The following GRM5 variants were observed in gnomAD, a reference collection of about 807,000 sequenced individuals.
GRM5 encodes the protein metabotropic glutamate receptor 5.
A neutral mutation model predicts 83.1 loss-of-function variants in GRM5; 19 were observed. That is an observed-to-expected ratio of 0.23 (90% CI 0.16 to 0.34). The LOEUF is 0.34. Ranked by LOEUF, GRM5 falls within the 10% of genes least tolerant of loss-of-function variation. The probability of loss-of-function intolerance (pLI) is 1.00; values close to 1 mark genes in which losing one functional copy is unlikely to be tolerated. For missense variants in GRM5, 1,160 were observed against 1,588.3 expected (o/e 0.73, Z 4.58); for synonymous variants, 675 against 633.6 (o/e 1.07, Z -0.98).
rs541699864 is a variant in GRM5 at position 88,504,940 on chromosome 11, A to G, written c.*3652T>C. On this transcript the variant is annotated 3_prime_UTR_variant, in exon 10 of 10. Coordinates refer to ENST00000305447, the MANE Select transcript of GRM5 (RefSeq NM_001143831.3). ...CTTTTAGGATTGGCACCATCTTTCT[A>G]AAACATCTATAATCTATATAGATTT... 7.9e-5 allele frequency: 12 copies of G among 152,312 alleles called. No homozygotes were observed. The East Asian group carries it at 2.3e-3, about 29-fold the overall frequency. The allele number at this position is 152,312 out of a possible 1,614,324, so 9.4% of individuals were successfully genotyped here.
intron 3 of GRM5, among the ~76,000 whole-genome samples, chr11:88,833,834 G>T (rs544684271): frequency 8.5e-5 from 13 of 152,246 alleles, no homozygotes; most frequent in Admixed American, 3.3e-4. Context: ...GATGAAACTG[G>T]TGTTCATTAT....
At chr11:88,841,612 T>C (rs1350641772) in intron 3 of GRM5, among the ~76,000 whole-genome samples, 12 of 152,210 alleles carry the variant, frequency 7.9e-5, no homozygotes, top group Non-Finnish European at 4.4e-5. Context: ...TCTTTCGTTA[T>C]GTTGGTCTTT....
At chr11:89,020,123 T>A (rs1416475659) in intron 2 of GRM5, among the ~76,000 whole-genome samples, 1 of 152,192 alleles carries the variant, frequency 6.6e-6, no homozygotes, top group African/African-American at 2.4e-5. Flanking sequence ...ATATACCTTA[T>A]CTAATTTAAT....
At chr11:88,863,374 T>C (rs1446856306) in intron 2 of GRM5, among the ~76,000 whole-genome samples, 1 of 133,076 alleles carries the variant, frequency 7.5e-6, no homozygotes, top group African/African-American at 2.9e-5. Context: ...TGTCCATCAA[T>C]GATAGACCAG....
rs145037445 is a variant in GRM5 at position 88,643,307 on chromosome 11, T to C, written c.1147+9861A>G. Among the ~76,000 whole-genome samples the C allele has an allele frequency of 1.9e-3, 282 of 152,170 alleles. 1 individual carries two copies. The highest frequency in any genetic ancestry group is 0.01 in the Middle Eastern group (3 of 294). ...AGATCTGGTGAGAACTCATTCACTA[T>C]TGCAAGAACAGTCTCAAGGGGATGG... On this transcript the variant is annotated intron_variant, in intron 4 of 9. Transcript: ENST00000305447.
intron 2 of GRM5, among the ~76,000 whole-genome samples, chr11:88,930,889 T>C (rs1827149297): frequency 6.6e-6 from 1 of 152,042 alleles, no homozygotes; most frequent in Non-Finnish European, 1.5e-5. Flanking sequence ...AGAACAAAAG[T>C]AAATAGATTT....
chr11:88,686,010 G>A (rs117554112), intron 3 of GRM5, among the ~76,000 whole-genome samples: 1,955 of 152,200 alleles, frequency 0.013, 13 homozygotes, highest in Middle Eastern at 0.027. Flanking sequence ...AGAAGAGGTC[G>A]ACTGTCCTCC....
intron 2 of GRM5, among the ~76,000 whole-genome samples, chr11:89,017,149 A>G (rs1222106533): frequency 1.3e-5 from 2 of 152,064 alleles, no homozygotes; most frequent in Non-Finnish European, 2.9e-5. Context: ...CAAACGTTTG[A>G]CTCCACTAAA....
intron 2 of GRM5, among the ~76,000 whole-genome samples, chr11:88,919,149 A>T (rs1371931990): frequency 6.8e-6 from 1 of 146,296 alleles, no homozygotes; most frequent in Non-Finnish European, 1.5e-5. Context: ...TTCAAGAAAC[A>T]CACCTCACCT....
chr11:88,559,961 T>C (rs945287356), intron 8 of GRM5, among the ~76,000 whole-genome samples: 2 of 152,046 alleles, frequency 1.3e-5, no homozygotes, highest in African/African-American at 4.8e-5. Context: ...TCCAGCAGAA[T>C]TGGTATCTAA....
At position 88,613,589 on chromosome 11, in the gene GRM5, T is replaced by C. The variant is rs534864075; in HGVS notation, c.1148-8625A>G. On this transcript the variant is annotated intron_variant, in intron 4 of 9. Coordinates refer to ENST00000305447, the MANE Select transcript of GRM5 (RefSeq NM_001143831.3). ...ACTGTGGGTGCTGTTACTTGTGAGA[T>C]AGGTCTCCTGAAGTTAGCAGACAGT... 3.9e-5 allele frequency among the ~76,000 whole-genome samples: 6 copies of C among 152,320 alleles called. No homozygotes were observed. The South Asian group carries it at 1.0e-3, about 26-fold the overall frequency.
intron 2 of GRM5, among the ~76,000 whole-genome samples, chr11:89,037,380 A>C (rs1055675640): frequency 1.3e-5 from 2 of 151,052 alleles, no homozygotes; most frequent in African/African-American, 4.8e-5. Flanking sequence ...TCCTATCCTG[A>C]TGCGTATACC....
At chr11:88,677,169 TACA>T (rs1940354173) in intron 3 of GRM5, among the ~76,000 whole-genome samples, 2 of 152,078 alleles carry the variant, frequency 1.3e-5, no homozygotes, top group Non-Finnish European at 2.9e-5. Flanking sequence ...AAGATATATA[TACA>T]ACATGTAATA....
intron 3 of GRM5, among the ~76,000 whole-genome samples, chr11:88,756,010 T>C (rs1029675439): frequency 2.0e-5 from 3 of 152,186 alleles, no homozygotes; most frequent in African/African-American, 4.8e-5. Context: ...GTCCTCACCA[T>C]GAACAAGGCT....
intron 2 of GRM5, among the ~76,000 whole-genome samples, chr11:89,008,584 T>C (rs1350871271): frequency 6.6e-6 from 1 of 152,164 alleles, no homozygotes; most frequent in Non-Finnish European, 1.5e-5. Flanking sequence ...GTACTTTTGT[T>C]ATAATTGAAC....
chr11:88,657,430 A>G (rs568261523), intron 3 of GRM5, among the ~76,000 whole-genome samples: 3 of 152,166 alleles, frequency 2.0e-5, no homozygotes, highest in African/African-American at 7.2e-5. Flanking sequence ...TGGCTTAACT[A>G]AAGGAGGATT....
At chr11:88,832,096 G>T (rs1944005819) in intron 3 of GRM5, among the ~76,000 whole-genome samples, 1 of 152,124 alleles carries the variant, frequency 6.6e-6, no homozygotes, top group Non-Finnish European at 1.5e-5. Context: ...AGACAATACT[G>T]ACACTGCCTA....
chr11:88,964,124 T>C (rs1448676857), intron 2 of GRM5, among the ~76,000 whole-genome samples: 1 of 152,134 alleles, frequency 6.6e-6, no homozygotes, highest in Non-Finnish European at 1.5e-5. Flanking sequence ...AAAAGTGAAT[T>C]GATTTTGTAA....
intron 3 of GRM5, among the ~76,000 whole-genome samples, chr11:88,810,667 C>G (rs1247101005): frequency 6.6e-6 from 1 of 152,002 alleles, no homozygotes; most frequent in African/African-American, 2.4e-5. Context: ...TACTGAGAAG[C>G]TGTATTTGTG....
Sources: gnomAD v4.1 joint callset for allele counts (sites outside exome capture counted in the v4.1 genomes callset) on GRCh38, gnomAD v4.1.1 for gene constraint, MANE v1.5 for transcripts, NCBI Gene and HGNC (gene_info 2026-07-23, HGNC 2026-07-21) for gene names.